Variants in HYDIN observed in about 807,000 individuals in gnomAD.
HYDIN encodes axonemal central pair apparatus protein HYDIN.
In HYDIN, 132 loss-of-function variants were observed where a neutral mutation model predicts 403.9. That is an observed-to-expected ratio of 0.33 (90% CI 0.28 to 0.38). The LOEUF is 0.38. Among genes scored for constraint, HYDIN ranks in the 10% least tolerant of loss-of-function variants. HYDIN has a pLI of 1.00. For missense variants in HYDIN, 2,827 were observed against 5,009.5 expected, an observed-to-expected ratio of 0.56 and a Z score of 13.15; for synonymous variants, 1,202 against 1,891.7, an observed-to-expected ratio of 0.64 and a Z score of 9.46.
At chr16:71,082,317 A>G (rs2082808819) in intron 12 of HYDIN, among the ~76,000 whole-genome samples, 2 of 152,190 alleles carry the variant, frequency 1.3e-5, no homozygotes, top group African/African-American at 4.8e-5. Flanking sequence ...GGTTTTCAAA[A>G]TTATTGTTAG....
intron 1 of HYDIN, among the ~76,000 whole-genome samples, chr16:71,206,193 T>C (rs1285450982): frequency 1.3e-5 from 2 of 152,048 alleles, no homozygotes; most frequent in Non-Finnish European, 2.9e-5. Context: ...AGGAAGCACA[T>C]GAACAGCAGA....
At position 70,930,180 on chromosome 16, in the gene HYDIN, T is replaced by C. The variant is rs773533651; in HGVS notation, c.7158+5772A>G. Reference sequence around the variant, plus strand: ...GTAGTGGCTGGTGGCCACACCACAATAGAAAAAACCACCAACCGGGCTGGG... The same window carrying C: ...GTAGTGGCTGGTGGCCACACCACAACAGAAAAAACCACCAACCGGGCTGGG... On this transcript the variant is annotated intron_variant, in intron 45 of 85. Coordinates refer to ENST00000393567, the MANE Select transcript of HYDIN (RefSeq NM_001270974.2). Among the ~76,000 whole-genome samples the C allele has an allele frequency of 3.8e-4, 58 of 152,248 alleles. No homozygotes were observed. In the East Asian group the frequency reaches 7.6e-3, roughly 20 times the overall value.
rs766086950 is a variant in HYDIN, at chr16:70,981,378, T to C, written c.4510+13A>G. 6.2e-7 allele frequency: 1 copy of C among 1,610,080 alleles called. No homozygotes were observed. The highest frequency in any genetic ancestry group is 8.5e-7 in the Non-Finnish European group (1 of 1,178,108). On this transcript the variant is annotated intron_variant, in intron 29 of 85. Coordinates refer to ENST00000393567, the MANE Select transcript of HYDIN (RefSeq NM_001270974.2). ...TGTCCCCAGTGGGGAACTACTCCAG[T>C]GTGAAGTACTACCTGTGAGGTTCCT...
At chr16:71,026,048 G>T (rs1325756580) in intron 20 of HYDIN, among the ~76,000 whole-genome samples, 3 of 149,840 alleles carry the variant, frequency 2.0e-5, no homozygotes, top group Non-Finnish European at 4.5e-5. Context: ...TTACAGGCAT[G>T]TGCCACCACG....
intron 41 of HYDIN, among the ~76,000 whole-genome samples, chr16:70,950,057 G>GT (rs1163542463): frequency 2.1e-5 from 3 of 145,142 alleles, no homozygotes; most frequent in Non-Finnish European, 3.0e-5. Context: ...AATGGTTTCT[G>GT]TTTTCACGGT....
intron 13 of HYDIN, among the ~76,000 whole-genome samples, chr16:71,070,226 A>C (rs1337981683): frequency 6.6e-6 from 1 of 151,766 alleles, no homozygotes; most frequent in Non-Finnish European, 1.5e-5. Context: ...CAATACACTA[A>C]GCTCTGATTT....
intron 14 of HYDIN, among the ~76,000 whole-genome samples, chr16:71,067,649 C>T (rs1300655061): frequency 2.4e-4 from 37 of 151,942 alleles, no homozygotes; most frequent in Non-Finnish European, 2.8e-4. Flanking sequence ...AAAGAAGCCA[C>T]ATACCTGCAT....
At chr16:71,074,754 C>T (rs1433576963) in intron 13 of HYDIN, among the ~76,000 whole-genome samples, 1 of 150,954 alleles carries the variant, frequency 6.6e-6, no homozygotes, top group East Asian at 1.9e-4. Flanking sequence ...AATGCCTCTC[C>T]ACATCCTCCA....
chr16:70,867,742 C>A (rs1416920626), intron 66 of HYDIN, among the ~76,000 whole-genome samples: 1 of 148,638 alleles, frequency 6.7e-6, no homozygotes, highest in Non-Finnish European at 1.5e-5. Context: ...GTGGTGCGAT[C>A]ACGGCCCACT....
chr16:71,119,738 AT>A (rs1178477438), intron 9 of HYDIN, among the ~76,000 whole-genome samples: 13 of 150,174 alleles, frequency 8.7e-5, no homozygotes, highest in African/African-American at 3.2e-4. Context: ...TTCAGTTGGG[AT>A]TTAAGTAAAA....
intron 78 of HYDIN, among the ~76,000 whole-genome samples, chr16:70,834,729 TC>T (rs1313199251): frequency 6.6e-6 from 1 of 151,740 alleles, no homozygotes; most frequent in Non-Finnish European, 1.5e-5. Context: ...ATGCCTGTAG[TC>T]CCAGCTACTC....
intron 6 of HYDIN, among the ~76,000 whole-genome samples, chr16:71,154,356 C>A (rs62039464): frequency 0.12 from 16,713 of 136,102 alleles, 1,367 homozygotes; most frequent in Middle Eastern, 0.23. Flanking sequence ...GTGAAGTAAT[C>A]CCATCATGGA....
chr16:71,182,241 A>G (rs2086935908), intron 3 of HYDIN, among the ~76,000 whole-genome samples: 1 of 152,122 alleles, frequency 6.6e-6, no homozygotes, highest in Admixed American at 6.6e-5. Flanking sequence ...ATTTTATTAT[A>G]TGAGTAATGG....
At chr16:71,227,179 G>C (rs1382528461) in intron 1 of HYDIN, among the ~76,000 whole-genome samples, 1 of 151,124 alleles carries the variant, frequency 6.6e-6, no homozygotes, top group African/African-American at 2.4e-5. Context: ...ATATATATAT[G>C]AATGATATGG....
chr16:70,834,965 CATAT>C lies in HYDIN; in HGVS notation c.13401+707_13401+710del, dbSNP rs557989718. ...ACACATATATGTATATATATACACA[CATAT>C]ATGTGTGTATATATATATATATACA... is the stretch of plus-strand genomic sequence containing the variant. On this transcript the variant is annotated intron_variant, in intron 78 of 85. Transcript: ENST00000393567. Among the ~76,000 whole-genome samples the C allele has an allele frequency of 1.1e-3, 155 of 137,976 alleles. 2 individuals carry two copies. Among genetic ancestry groups the C allele is most frequent in the Middle Eastern group, 7.4e-3 (2 of 272 alleles). 90.5% of individuals were successfully genotyped at this position (137,976 alleles called of 152,430 possible).
intron 41 of HYDIN, among the ~76,000 whole-genome samples, chr16:70,945,740 G>A (rs1041779977): frequency 5.9e-5 from 9 of 152,160 alleles, no homozygotes; most frequent in African/African-American, 2.2e-4. Flanking sequence ...CCAAGAGGAG[G>A]GGGTGATCAG....
chr16:71,207,168 G>A (rs943326964), intron 1 of HYDIN, among the ~76,000 whole-genome samples: 1 of 152,136 alleles, frequency 6.6e-6, no homozygotes, highest in Admixed American at 6.5e-5. Context: ...GTTAAAGGCA[G>A]CTAGAGATAA....
At chr16:71,130,914 T>C (rs1433189007) in intron 8 of HYDIN, among the ~76,000 whole-genome samples, 2 of 146,946 alleles carry the variant, frequency 1.4e-5, no homozygotes, top group Admixed American at 6.8e-5. Flanking sequence ...TCCATCGTGA[T>C]AAGAGAGAAC....
chr16:70,980,534 TATATAA>T lies in HYDIN; in HGVS notation c.4510+851_4510+856del, dbSNP rs1010320995. ...AGAGACAGGGTCTTGCCTATATATA[TATATAA>T]ATATAAATATAAATTATATATATAT... On this transcript the variant is annotated intron_variant, in intron 29 of 85. Coordinates refer to ENST00000393567, the MANE Select transcript of HYDIN (RefSeq NM_001270974.2). Among the ~76,000 whole-genome samples, 15 of 147,104 alleles carry T rather than the reference TATATAA, an allele frequency of 1.0e-4. 1 individual carries two copies. The highest frequency in any genetic ancestry group is 2.1e-4 in the Non-Finnish European group (14 of 67,012).
Sources: allele counts gnomAD v4.1 joint callset (sites outside exome capture counted in the v4.1 genomes callset), GRCh38; gene constraint gnomAD v4.1.1; transcripts MANE v1.5; gene names NCBI Gene and HGNC (gene_info 2026-07-23, HGNC 2026-07-21).